SOX6: variants seen among roughly 807,000 people sequenced by gnomAD.
SOX6 encodes the protein transcription factor SOX-6.
A neutral mutation model predicts 97.8 loss-of-function variants in SOX6; 11 were observed. The observed-to-expected ratio is 0.11, with a 90% confidence interval of 0.07 to 0.19. SOX6 has a LOEUF of 0.19. Ranked by LOEUF, SOX6 falls within the 10% of genes least tolerant of loss-of-function variation. The pLI is 1.00. For synonymous variants in SOX6, 360 were observed against 371.4 expected (o/e 0.97, Z 0.35); for missense variants, 810 against 1,039.5 (o/e 0.78, Z 3.04).
At chr11:16,590,735 G>A (rs1055891500) in intron 4 of SOX6, among the ~76,000 whole-genome samples, 1 of 151,834 alleles carries the variant, frequency 6.6e-6, no homozygotes, top group Non-Finnish European at 1.5e-5. Flanking sequence ...ACATGTGAGA[G>A]CTTAAAAAAA....
In SOX6 at chr11:16,515,744, C is replaced by G. The variant is rs200219277; in HGVS notation, n.610-39356G>C. Among the ~76,000 whole-genome samples the G allele has an allele frequency of 4.6e-5, 6 of 129,300 alleles. No individual in the cohort carries two copies. The East Asian group carries it at 1.1e-3, about 24-fold the overall frequency. 84.8% of individuals were successfully genotyped at this position (129,300 alleles called of 152,430 possible). A position where few individuals can be genotyped will look rare whatever the true frequency, so the allele number is the denominator to read the frequency against. On this transcript the variant is annotated intron_variant and non_coding_transcript_variant, in intron 4 of 5. Coordinates refer to the SOX6 transcript ENST00000524520. ...TTTGTATAAGGTGTAAGGAAGGGAT[C>G]CAGTTTCACCTTTCTACATATGGCT... is the stretch of plus-strand genomic sequence containing the variant.
intron 2 of SOX6, among the ~76,000 whole-genome samples, chr11:16,725,948 A>C (rs964554476): frequency 2.6e-5 from 4 of 152,212 alleles, no homozygotes; most frequent in African/African-American, 9.6e-5. Flanking sequence ...AATTGTTTTA[A>C]ATTGTTTAGT....
chr11:16,578,645 T>C (rs911854715), intron 4 of SOX6, among the ~76,000 whole-genome samples: 1 of 152,168 alleles, frequency 6.6e-6, no homozygotes, highest in Non-Finnish European at 1.5e-5. Context: ...TTTCAAAATT[T>C]GCTTTAAAAA....
chr11:16,619,063 C>T (rs2133987354), intron 3 of SOX6, among the ~76,000 whole-genome samples: 2 of 151,970 alleles, frequency 1.3e-5, no homozygotes, highest in African/African-American at 4.8e-5. Flanking sequence ...TAGCTGTCTA[C>T]GAAGTTGAAG....
At chr11:16,006,968 C>T (rs1227097770) in intron 13 of SOX6, among the ~76,000 whole-genome samples, 4 of 151,930 alleles carry the variant, frequency 2.6e-5, no homozygotes, top group African/African-American at 9.7e-5. Context: ...GAGATTCAGT[C>T]TACAGAGACC....
chr11:16,244,341 C>T (rs1853275540), intron 3 of SOX6, among the ~76,000 whole-genome samples: 1 of 151,710 alleles, frequency 6.6e-6, no homozygotes, highest in South Asian at 2.1e-4. Context: ...GTTGTGAAGT[C>T]GTCTCTCAAA....
intron 2 of SOX6, among the ~76,000 whole-genome samples, chr11:16,727,001 A>T (rs962919821): frequency 6.6e-6 from 1 of 152,122 alleles, no homozygotes; most frequent in African/African-American, 2.4e-5. Context: ...TGACTTTTTT[A>T]AAATCCAATT....
intron 6 of SOX6, among the ~76,000 whole-genome samples, chr11:16,123,419 C>T (rs1021212205): frequency 1.6e-4 from 25 of 151,926 alleles, no homozygotes; most frequent in Admixed American, 1.3e-3. Context: ...GCAAATTGTC[C>T]CTCCTTGGAA....
At chr11:16,103,059 CA>C (rs1026746971) in intron 7 of SOX6, among the ~76,000 whole-genome samples, 15 of 151,862 alleles carry the variant, frequency 9.9e-5, no homozygotes. Context: ...TTCTGCACAA[CA>C]AAAGAAATAA....
intron 1 of SOX6, among the ~76,000 whole-genome samples, chr11:16,365,373 CATAA>C (rs1310747507): frequency 6.6e-6 from 1 of 151,430 alleles, no homozygotes; most frequent in African/African-American, 2.4e-5. Flanking sequence ...TTATTATTAT[CATAA>C]ATAAATTTCC....
rs201772960 is a variant in SOX6, at chr11:16,234,563, G to A, written c.535+19C>T. ...ATCACATCACTGCATTGACATGTTC[G>A]ATATATTTTATGTTGTACCTTTAAT... On this transcript the variant is annotated intron_variant, in intron 4 of 15. Coordinates refer to ENST00000683767, the MANE Select transcript of SOX6 (RefSeq NM_001367873.1). The A allele has an allele frequency of 2.4e-5, 33 of 1,390,326 alleles. No individual in the cohort carries two copies. The highest frequency in any genetic ancestry group is 3.4e-5 in the Admixed American group (2 of 58,012). 86.1% of individuals were successfully genotyped at this position (1,390,326 alleles called of 1,614,324 possible). A position where few individuals can be genotyped will look rare whatever the true frequency, so the allele number is the denominator to read the frequency against.
At chr11:16,149,676 T>G (rs1372579789) in intron 6 of SOX6, among the ~76,000 whole-genome samples, 2 of 152,218 alleles carry the variant, frequency 1.3e-5, no homozygotes. Context: ...TCAATTCCTT[T>G]GACTAGAATA....
Position 15,972,967 on chromosome 11 carries a change from G to C in SOX6, c.2329C>G (p.Gln777Glu). ...ASPEPSLPVI[Q>E]STYGMKTDGG... ...TCTGTCTTCATACCATAAGTGCTCT[G>C]GATGACCGGGAGGCTGGGCTCCGGG... The change falls in exon 16 of 16, where the codon CAG becomes GAG. Residue 777 changes from glutamine to glutamate, a missense_variant. Transcript: ENST00000683767. 1 of 1,614,204 alleles carries C rather than the reference G, an allele frequency of 6.2e-7. No individual in the cohort carries two copies. Among genetic ancestry groups the C allele is most frequent in the Non-Finnish European group, 8.5e-7 (1 of 1,180,028 alleles).
intron 3 of SOX6, among the ~76,000 whole-genome samples, chr11:16,700,561 T>A (rs1482923178): frequency 1.3e-5 from 2 of 152,178 alleles, no homozygotes; most frequent in Non-Finnish European, 2.9e-5. Flanking sequence ...CTGGTCCAGC[T>A]TCTGTTTGGA....
At position 16,613,252 on chromosome 11, in the gene SOX6, T is replaced by G. The variant is rs1439695615; in HGVS notation, n.430-992A>C. Reference sequence around the variant, plus strand: ...GACTGCCTCACGTTTATTCTTTCACTGTCTGTGTCTCTCTTCCCCACCCCC... The same window carrying G: ...GACTGCCTCACGTTTATTCTTTCACGGTCTGTGTCTCTCTTCCCCACCCCC... On this transcript the variant is annotated intron_variant and non_coding_transcript_variant, in intron 3 of 5. Transcript: ENST00000524520. The surrounding 1 kb of genome is among the most constrained non-coding windows in gnomAD (Gnocchi z 4.6). The G allele has an allele frequency of 6.6e-6, 1 of 152,406 alleles. No homozygotes were observed. The highest frequency in any genetic ancestry group is 2.4e-5 in the African/African-American group (1 of 41,418). The allele number at this position is 152,406 out of a possible 1,614,324, so 9.4% of individuals were successfully genotyped here. A position where few individuals can be genotyped will look rare whatever the true frequency, so the allele number is the denominator to read the frequency against.
chr11:16,698,534 G>T (rs115434907), intron 3 of SOX6, among the ~76,000 whole-genome samples: 1 of 152,194 alleles, frequency 6.6e-6, no homozygotes. Context: ...ATAGCACTTT[G>T]AATTTCCTTC....
chr11:16,315,651 G>C (rs1175072510), intron 3 of SOX6: 2 of 152,136 alleles, frequency 1.3e-5, no homozygotes, highest in Non-Finnish European at 2.9e-5. Flanking sequence ...CTGTTAGCTA[G>C]TTGGTCTTAT....
At chr11:16,663,061 A>G (rs1847778323) in intron 3 of SOX6, among the ~76,000 whole-genome samples, 1 of 152,118 alleles carries the variant, frequency 6.6e-6, no homozygotes, top group South Asian at 2.1e-4. Flanking sequence ...AAGAAAGAAA[A>G]AGGACAAACC....
chr11:16,622,987 G>C (rs1474590673), intron 3 of SOX6, among the ~76,000 whole-genome samples: 1 of 151,788 alleles, frequency 6.6e-6, no homozygotes, highest in Non-Finnish European at 1.5e-5. Context: ...GTATTGCATT[G>C]TGGTTTTGAT....
Sources: allele counts gnomAD v4.1 joint callset (sites outside exome capture counted in the v4.1 genomes callset), GRCh38; gene constraint gnomAD v4.1.1; non-coding constraint Gnocchi (gnomAD v3.1); transcripts MANE v1.5; gene names NCBI Gene and HGNC (gene_info 2026-07-23, HGNC 2026-07-21).